The following GABRG1 variants were observed in gnomAD, a reference collection of about 807,000 sequenced individuals.
GABRG1 encodes the protein gamma-aminobutyric acid receptor subunit gamma-1.
GABRG1 carries 49 observed loss-of-function variants against 49.8 expected under a neutral mutation model. The observed-to-expected ratio is 0.98, with a 90% CI of 0.78 to 1.25. The LOEUF (loss-of-function observed/expected upper bound fraction) is 1.25, where lower values mean the gene tolerates loss of function less well. Among genes scored for constraint, GABRG1 ranks in the 50% most tolerant of loss-of-function variants. The pLI is 0.00. For missense variants in GABRG1, 552 were observed against 552.3 expected (o/e 1.00, Z 0.01); for synonymous variants, 232 against 185.1 (o/e 1.25, Z -2.06).
chr4:46,081,216 A>G (rs1719556388), intron 3 of GABRG1, among the ~76,000 whole-genome samples: 1 of 151,620 alleles, frequency 6.6e-6, no homozygotes, highest in Non-Finnish European at 1.5e-5. Flanking sequence ...GTTTTCCCCC[A>G]TCTCACAGAG....
chr4:46,079,955 T>C (rs1274793975), intron 3 of GABRG1, among the ~76,000 whole-genome samples: 1 of 151,938 alleles, frequency 6.6e-6, no homozygotes, highest in African/African-American at 2.4e-5. Flanking sequence ...TCTGCTTATA[T>C]TGAAGATAGT....
chr4:46,101,125 AG>A (rs1402550954), intron 1 of GABRG1, among the ~76,000 whole-genome samples: 1 of 151,662 alleles, frequency 6.6e-6, no homozygotes, highest in African/African-American at 2.4e-5. Flanking sequence ...TGGAAGAAAC[AG>A]GTATGATTTT....
intron 3 of GABRG1, among the ~76,000 whole-genome samples, chr4:46,077,969 C>T (rs567544256): frequency 6.6e-6 from 1 of 151,550 alleles, no homozygotes; most frequent in Admixed American, 6.6e-5. Context: ...ATGAAAATGA[C>T]TTTTATTTAT....
At chr4:46,045,080 GA>G (rs1717942386) in intron 8 of GABRG1, among the ~76,000 whole-genome samples, 1 of 152,048 alleles carries the variant, frequency 6.6e-6, no homozygotes, top group African/African-American at 2.4e-5. Flanking sequence ...GAACAATCAT[GA>G]AGAAGTTTTG....
At chr4:46,118,807 T>TAA (rs11449834) in intron 1 of GABRG1, among the ~76,000 whole-genome samples, 1 of 150,588 alleles carries the variant, frequency 6.6e-6, no homozygotes, top group African/African-American at 2.4e-5. Flanking sequence ...TGTTTGAAAA[T>TAA]AAAAAAAACT....
intron 8 of GABRG1, among the ~76,000 whole-genome samples, chr4:46,041,719 T>C (rs559483748): frequency 6.6e-6 from 1 of 152,018 alleles, no homozygotes; most frequent in Non-Finnish European, 1.5e-5. Flanking sequence ...AAAAAAGTTA[T>C]GGGGTTTGTG....
intron 2 of GABRG1, among the ~76,000 whole-genome samples, chr4:46,088,346 T>C (rs552656796): frequency 6.6e-6 from 1 of 152,200 alleles, no homozygotes; most frequent in East Asian, 1.9e-4. Context: ...TGCCTTATAG[T>C]CTGAACCTAG....
chr4:46,057,414 G>A (rs548164623), intron 7 of GABRG1, among the ~76,000 whole-genome samples: 76 of 152,140 alleles, frequency 5.0e-4, no homozygotes, highest in African/African-American at 1.7e-3. Context: ...ACACAATTAT[G>A]AGCAGTGTGA....
chr4:46,103,341 A>G (rs1720443206), intron 1 of GABRG1, among the ~76,000 whole-genome samples: 1 of 151,646 alleles, frequency 6.6e-6, no homozygotes, highest in Non-Finnish European at 1.5e-5. Context: ...TGTACTGAGT[A>G]TATGTACAGA....
At chr4:46,083,962 T>A (rs1445962280) in intron 3 of GABRG1, 24 bp downstream of exon 3, 3 of 1,284,510 alleles carry the variant, frequency 2.3e-6, no homozygotes, top group Non-Finnish European at 3.3e-6. Context: ...GTGGCAGTTA[T>A]TATTTTTAAT....
At chr4:46,121,658 G>A (rs888953601) in intron 1 of GABRG1, among the ~76,000 whole-genome samples, 9 of 134,028 alleles carry the variant, frequency 6.7e-5, no homozygotes, top group African/African-American at 2.6e-4. Context: ...GCTTACATTT[G>A]CCTTTTATTG....
chr4:46,080,092 A>G (rs1194405555), intron 3 of GABRG1, among the ~76,000 whole-genome samples: 1 of 151,902 alleles, frequency 6.6e-6, no homozygotes, highest in South Asian at 2.1e-4. Context: ...TTGTAGAATA[A>G]TGTCGTTTTA....
At chr4:46,118,930 A>G (rs1473467604) in intron 1 of GABRG1, among the ~76,000 whole-genome samples, 5 of 151,364 alleles carry the variant, frequency 3.3e-5, no homozygotes, top group Non-Finnish European at 3.0e-5. Context: ...GTATTGGGAG[A>G]AAATCTTCCT....
chr4:46,075,996 C>A (rs73813170), intron 3 of GABRG1, among the ~76,000 whole-genome samples: 1 of 151,800 alleles, frequency 6.6e-6, no homozygotes. Flanking sequence ...AATTCCTTAA[C>A]GGGTAAATGT....
intron 3 of GABRG1, among the ~76,000 whole-genome samples, chr4:46,067,108 G>GA (rs1367914790): frequency 3.3e-5 from 5 of 151,236 alleles, no homozygotes; most frequent in South Asian, 2.1e-4. Context: ...GCCAATAAAT[G>GA]AAAAATGGAA....
At chr4:46,111,415 G>A (rs575892399) in intron 1 of GABRG1, among the ~76,000 whole-genome samples, 6 of 151,028 alleles carry the variant, frequency 4.0e-5, no homozygotes, top group African/African-American at 1.2e-4. Context: ...AGGCCATATC[G>A]GACAAAGCAA....
intron 1 of GABRG1, among the ~76,000 whole-genome samples, chr4:46,098,192 T>A (rs1720247140): frequency 6.6e-6 from 1 of 151,780 alleles, no homozygotes; most frequent in African/African-American, 2.4e-5. Context: ...AAGATTCAGC[T>A]GACTTCTGAA....
Position 46,084,061 on chromosome 4 carries a change from A to G in GABRG1, c.254-8T>C, listed in dbSNP as rs530889738. On this transcript the variant is annotated splice_region_variant and splice_polypyrimidine_tract_variant and intron_variant, in intron 2 of 8. Coordinates refer to ENST00000295452, the MANE Select transcript of GABRG1 (RefSeq NM_173536.4). ...CAATTACTGTGGGCCTCACTGCAAA[A>G]TATCAACAAAAAGAAAGGTCAAAGA... 2.0e-4 allele frequency: 301 copies of G among 1,536,108 alleles called. 4 individuals carry two copies. In the South Asian group the frequency reaches 3.2e-3, roughly 16 times the overall value.
rs369652618 is a variant in GABRG1, at chr4:46,058,493, G to A, written c.755C>T (p.Thr252Met). The A allele has an allele frequency of 6.8e-6, 11 of 1,612,444 alleles. No homozygotes were observed. The African/African-American group carries it at 8.0e-5, about 12-fold the overall frequency. ...GLRNSTEITH[T>M]ISGDYVIMTI... Reference sequence around the variant, plus strand: ...TTGAGTATTCTTTTTACCAGAGATCGTGTGAGTGATTTCAGTTGAGTTCCG... The same window carrying A: ...TTGAGTATTCTTTTTACCAGAGATCATGTGAGTGATTTCAGTTGAGTTCCG... The change falls in exon 6 of 9, where the codon ACG (threonine) becomes ATG (methionine). Residue 252 changes from threonine (T) to methionine (M), a missense_variant. Coordinates refer to ENST00000295452, the MANE Select transcript of GABRG1 (RefSeq NM_173536.4).
Sources: gnomAD v4.1 joint callset for allele counts (sites outside exome capture counted in the v4.1 genomes callset) on GRCh38, gnomAD v4.1.1 for gene constraint, MANE v1.5 for transcripts, NCBI Gene and HGNC (gene_info 2026-07-23, HGNC 2026-07-21) for gene names.